The following UGT1A10 variants were observed in gnomAD, a reference collection of about 807,000 sequenced individuals.
UGT1A10 encodes UDP glucuronosyltransferase family 1 member A10.
Under a neutral mutation model 45.8 loss-of-function variants are expected in UGT1A10, and 49 were observed. The ratio of observed to expected loss-of-function variants is 1.07; its 90% CI spans 0.85 to 1.36. The LOEUF is 1.36. UGT1A10 is among the 40% of genes most tolerant of loss of function. The probability of loss-of-function intolerance (pLI) is 0.00; values close to 1 mark genes in which losing one functional copy is unlikely to be tolerated. For missense variants in UGT1A10, 745 were observed against 668.6 expected, an observed-to-expected ratio of 1.11 and a Z score of -1.26; for synonymous variants, 284 against 249.7, an observed-to-expected ratio of 1.14 and a Z score of -1.29.
intron 1 of UGT1A10, among the ~76,000 whole-genome samples, chr2:233,746,651 T>C (rs1051352282): frequency 6.6e-6 from 1 of 151,816 alleles, no homozygotes; most frequent in African/African-American, 2.4e-5. Context: ...CTTGGCTTTC[T>C]GTCCCGAGTT....
intron 1 of UGT1A10, among the ~76,000 whole-genome samples, chr2:233,695,276 C>T (rs1302622069): frequency 1.3e-5 from 2 of 151,994 alleles, no homozygotes; most frequent in Admixed American, 1.3e-4. Context: ...TAGGCATGTG[C>T]CACCATTCCC....
intron 1 of UGT1A10, among the ~76,000 whole-genome samples, chr2:233,664,290 A>G (rs1201728671): frequency 6.6e-6 from 1 of 152,076 alleles, no homozygotes; most frequent in Non-Finnish European, 1.5e-5. Context: ...GAGCCCTCCA[A>G]ACTCTTCAAA....
intron 3 of UGT1A10, 130 bp from the exon 4 acceptor site, chr2:233,768,090 T>A (rs887845025): frequency 1.1e-5 from 18 of 1,591,432 alleles, no homozygotes; most frequent in Non-Finnish European, 1.5e-5. Flanking sequence ...CAACCCACAT[T>A]TTCTTCTGCA....
At chr2:233,704,638 TG>T (rs1478275517) in intron 1 of UGT1A10, among the ~76,000 whole-genome samples, 3 of 152,208 alleles carry the variant, frequency 2.0e-5, no homozygotes, top group Non-Finnish European at 4.4e-5. Context: ...TTAACCTTTT[TG>T]CTTATCATTT....
At chr2:233,759,131 C>G (rs889675688) in intron 1 of UGT1A10, among the ~76,000 whole-genome samples, 5 of 152,174 alleles carry the variant, frequency 3.3e-5, no homozygotes, top group African/African-American at 9.6e-5. Context: ...GCCTCTGGTA[C>G]GCAATGAAGG....
intron 1 of UGT1A10, among the ~76,000 whole-genome samples, chr2:233,657,601 C>T (rs1257882931): frequency 2.0e-5 from 3 of 152,210 alleles, no homozygotes; most frequent in East Asian, 1.9e-4. Context: ...CTAAGCCCCA[C>T]CTCCAACATT....
chr2:233,728,515 A>G (rs2077723500), intron 1 of UGT1A10, among the ~76,000 whole-genome samples: 5 of 152,152 alleles, frequency 3.3e-5, no homozygotes, highest in Admixed American at 2.6e-4. Context: ...AGCTTTTTCT[A>G]TATTGACAGC....
intron 1 of UGT1A10, among the ~76,000 whole-genome samples, chr2:233,766,078 C>T (rs1051764857): frequency 4.6e-5 from 7 of 152,154 alleles, no homozygotes; most frequent in African/African-American, 1.4e-4. Flanking sequence ...TCTACCTTGT[C>T]GCAAGGACAG....
intron 1 of UGT1A10, among the ~76,000 whole-genome samples, chr2:233,711,484 C>T (rs1182676928): frequency 6.6e-6 from 1 of 152,094 alleles, no homozygotes; most frequent in Non-Finnish European, 1.5e-5. Context: ...GATGTTGCAC[C>T]CACAGCTGAG....
At chr2:233,698,178 TATG>T (rs768933857) in intron 1 of UGT1A10, among the ~76,000 whole-genome samples, 4 of 152,222 alleles carry the variant, frequency 2.6e-5, no homozygotes, top group Non-Finnish European at 5.9e-5. Flanking sequence ...CATTCTGTAT[TATG>T]ATATGTAATT....
intron 1 of UGT1A10, chr2:233,756,322 A>G (rs1437718635): frequency 6.6e-6 from 1 of 152,226 alleles, no homozygotes; most frequent in Non-Finnish European, 1.5e-5. Flanking sequence ...ATCCTCCTTT[A>G]AACCTCTAGT....
At chr2:233,722,254 C>T (rs12479208) in intron 1 of UGT1A10, among the ~76,000 whole-genome samples, 12,149 of 152,210 alleles carry the variant, frequency 0.08, 621 homozygotes, top group East Asian at 0.2. Flanking sequence ...GTGACAGACA[C>T]GCCATTATCA....
intron 1 of UGT1A10, chr2:233,747,296 G>A: frequency 6.2e-7 from 1 of 1,602,124 alleles, no homozygotes; most frequent in South Asian, 1.1e-5. Flanking sequence ...TGGGCTGAGA[G>A]TGGGAAGGTG....
intron 1 of UGT1A10, among the ~76,000 whole-genome samples, chr2:233,684,698 G>T (rs947223228): frequency 1.4e-4 from 21 of 151,966 alleles, no homozygotes; most frequent in African/African-American, 5.1e-4. Context: ...GATGTGGAAG[G>T]TTATGTATTA....
intron 1 of UGT1A10, chr2:233,648,814 G>C (rs2073668798): frequency 6.0e-6 from 6 of 1,003,708 alleles, no homozygotes; most frequent in South Asian, 2.5e-5. Context: ...CTTCTACTTA[G>C]AGGAGCATTT....
chr2:233,672,935 G>A lies in UGT1A10; in HGVS notation c.855+35558G>A, dbSNP rs1353454127. 5 of 1,415,166 alleles carry A rather than the reference G, an allele frequency of 3.5e-6. No homozygotes were observed. The East Asian group carries it at 1.2e-4, about 33-fold the overall frequency. The allele number at this position is 1,415,166 out of a possible 1,614,324, so 87.7% of individuals were successfully genotyped here. A position where few individuals can be genotyped will look rare whatever the true frequency, so the allele number is the denominator to read the frequency against. ...AACAAATTATTTTGTGCCAATGCGT[G>A]TACTCGTCAGTAGCAAATTTTATAA... On this transcript the variant is annotated intron_variant, in intron 1 of 4. Coordinates refer to ENST00000344644, the MANE Select transcript of UGT1A10 (RefSeq NM_019075.4).
intron 1 of UGT1A10, among the ~76,000 whole-genome samples, chr2:233,749,644 T>C (rs1173811229): frequency 2.6e-5 from 4 of 151,860 alleles, no homozygotes; most frequent in Non-Finnish European, 5.9e-5. Flanking sequence ...CCAAATCTCA[T>C]CTTGAATTGT....
chr2:233,713,956 A>G, intron 1 of UGT1A10: 1 of 1,608,152 alleles, frequency 6.2e-7, no homozygotes. Context: ...TTATCTTTCC[A>G]AAGATTTCAT....
chr2:233,734,413 C>G (rs1324994664), intron 1 of UGT1A10, among the ~76,000 whole-genome samples: 1 of 152,086 alleles, frequency 6.6e-6, no homozygotes, highest in Non-Finnish European at 1.5e-5. Flanking sequence ...ATTCTTCTCT[C>G]TTTTCTTCTT....
Sources: allele counts gnomAD v4.1 joint callset (sites outside exome capture counted in the v4.1 genomes callset), GRCh38; gene constraint gnomAD v4.1.1; transcripts MANE v1.5; gene names NCBI Gene and HGNC (gene_info 2026-07-23, HGNC 2026-07-21).